Variants in MAP4 observed in about 807,000 individuals in gnomAD.
The protein encoded by MAP4 is microtubule-associated protein 4.
In MAP4, 76 loss-of-function variants were observed where a neutral mutation model predicts 170.2. That is an observed-to-expected ratio of 0.45 (90% CI 0.37 to 0.54). The LOEUF is 0.54. Among genes scored for constraint, MAP4 ranks in the 20% least tolerant of loss-of-function variants. MAP4 has a pLI of 0.00. For missense variants in MAP4, 2,506 were observed against 2,748.0 expected (o/e 0.91, Z 1.97); for synonymous variants, 909 against 994.5 (o/e 0.91, Z 1.62).
intron 3 of MAP4, chr3:47,974,027 G>T: frequency 1.0e-6 from 1 of 985,390 alleles, no homozygotes; most frequent in African/African-American, 1.7e-5. Flanking sequence ...GTAGAAGAGG[G>T]AATGCTTCCT....
chr3:47,896,048 G>A (rs2100026657), intron 10 of MAP4, among the ~76,000 whole-genome samples: 4 of 152,136 alleles, frequency 2.6e-5, no homozygotes, highest in Admixed American at 2.6e-4. Flanking sequence ...CCCATAGAAG[G>A]GGCGAGTACC....
At chr3:47,996,934 CAG>C (rs1242021859) in intron 2 of MAP4, among the ~76,000 whole-genome samples, 3 of 151,908 alleles carry the variant, frequency 2.0e-5, no homozygotes, top group Non-Finnish European at 2.9e-5. Flanking sequence ...GAGAGGCAAA[CAG>C]AAATGCTAGA....
chr3:47,997,739 C>T (rs941312761), intron 2 of MAP4, among the ~76,000 whole-genome samples: 1 of 148,716 alleles, frequency 6.7e-6, no homozygotes, highest in African/African-American at 2.6e-5. Context: ...AAGAAAGAAA[C>T]ATCACAAATT....
chr3:48,009,446 T>C (rs780261304), intron 1 of MAP4, among the ~76,000 whole-genome samples: 1 of 152,194 alleles, frequency 6.6e-6, no homozygotes, highest in South Asian at 2.1e-4. Flanking sequence ...CCACGCAGCA[T>C]TGCCTCTGAC....
At chr3:48,050,835 G>C (rs1208905224) in intron 1 of MAP4, among the ~76,000 whole-genome samples, 4 of 151,264 alleles carry the variant, frequency 2.6e-5, no homozygotes, top group Non-Finnish European at 5.9e-5. Context: ...AACCCAGGAG[G>C]CAGAGGTTGC....
chr3:47,892,459 G>C, intron 10 of MAP4: 1 of 1,534,294 alleles, frequency 6.5e-7, no homozygotes, highest in Non-Finnish European at 8.7e-7. Context: ...ACGCGGCAGT[G>C]AGAGAGGCTG....
At chr3:47,949,982 T>C (rs1364073346) in intron 3 of MAP4, among the ~76,000 whole-genome samples, 1 of 152,184 alleles carries the variant, frequency 6.6e-6, no homozygotes, top group Non-Finnish European at 1.5e-5. Context: ...GACAGTTTTG[T>C]TGGCACTCCA....
At chr3:48,060,767 A>G (rs1559880296) in intron 1 of MAP4, among the ~76,000 whole-genome samples, 1 of 152,122 alleles carries the variant, frequency 6.6e-6, no homozygotes, top group African/African-American at 2.4e-5. Context: ...AAAAATAATA[A>G]TAATACAAAA....
chr3:47,857,281 G>C (rs2058135149), intron 18 of MAP4, 150 bp downstream of exon 18: 2 of 656,376 alleles, frequency 3.0e-6, no homozygotes, highest in Non-Finnish European at 2.7e-6. Context: ...CCTGCTCCCT[G>C]ACAGAATGAG....
At chr3:48,034,068 A>G (rs1287904163) in intron 1 of MAP4, among the ~76,000 whole-genome samples, 2 of 152,202 alleles carry the variant, frequency 1.3e-5, no homozygotes, top group Non-Finnish European at 2.9e-5. Context: ...ACCAGAGTGC[A>G]TACATATTGT....
At chr3:48,040,558 C>T (rs1048776547) in intron 1 of MAP4, among the ~76,000 whole-genome samples, 14 of 151,658 alleles carry the variant, frequency 9.2e-5, no homozygotes, top group Non-Finnish European at 1.0e-4. Flanking sequence ...CGTGAGCCAC[C>T]GCGCCCAGCC....
At chr3:47,901,582 G>A (rs1268046072) in intron 10 of MAP4, among the ~76,000 whole-genome samples, 1 of 151,782 alleles carries the variant, frequency 6.6e-6, no homozygotes, top group East Asian at 1.9e-4. Flanking sequence ...ACTGAGGTGG[G>A]AGTATCACCT....
Position 47,855,111 on chromosome 3 carries a change from G to A in MAP4, c.6696+137C>T, listed in dbSNP as rs1253979117. ...GACTGATGATACACGGTGGGAAAAC[G>A]GCAATGGTGTGGGTGAAGACATGAC... is the stretch of plus-strand genomic sequence containing the variant. On this transcript the variant is annotated intron_variant, in intron 19 of 20. Transcript: ENST00000683076. This position sits in a 1 kb window ranked among gnomAD's most constrained non-coding sequence, Gnocchi z 5.1. 6 of 642,326 alleles carry A rather than the reference G, an allele frequency of 9.3e-6. 1 individual carries two copies. The Middle Eastern group carries it at 7.6e-4, about 81-fold the overall frequency. The allele number at this position is 642,326 out of a possible 1,614,324, so 39.8% of individuals were successfully genotyped here.
At chr3:47,867,707 G>A (rs1011578093) in intron 16 of MAP4, among the ~76,000 whole-genome samples, 1 of 152,160 alleles carries the variant, frequency 6.6e-6, no homozygotes, top group Non-Finnish European at 1.5e-5. Flanking sequence ...CAAGAGCTGG[G>A]CACAGTGTCC....
rs35761893 is a variant in MAP4 at position 47,948,225 on chromosome 3, C to CTT, written c.293-19877_293-19876dup. Among the ~76,000 whole-genome samples the CTT allele has an allele frequency of 3.8e-3, 489 of 128,356 alleles. 5 individuals are homozygous for CTT. Among genetic ancestry groups the CTT allele is most frequent in the African/African-American group, 0.013 (448 of 34,924 alleles). 84.2% of individuals were successfully genotyped at this position (128,356 alleles called of 152,430 possible). On this transcript the variant is annotated intron_variant, in intron 3 of 20. Transcript: ENST00000683076. ...TGTTGGGAAGGCTGGTTGACCTATT[C>CTT]TTTTTTTTTTTTTTTTTTCTTGAGA... is the stretch of plus-strand genomic sequence containing the variant.
In MAP4 at chr3:47,870,985, G is replaced by C; in HGVS notation, c.6122C>G (p.Ser2041Cys). ...TATGAAAGGAGTTGTGGAGGGCCGG[G>C]AGGGCATGGGTGTGGCCTTGACTCG... ...PSRVKATPMPSRPSTTPFIDK... is the reference protein window; with the variant it reads ...PSRVKATPMPCRPSTTPFIDK... Residue 2041 changes from serine to cysteine, a missense_variant, in exon 15 of 21, where the codon TCC becomes TGC. By Grantham distance (112) the Ser-to-Cys change is moderately radical. Transcript: ENST00000683076. The C allele has an allele frequency of 6.2e-7, 1 of 1,614,154 alleles. No homozygotes were observed. The highest frequency in any genetic ancestry group is 8.5e-7 in the Non-Finnish European group (1 of 1,179,994).
intron 1 of MAP4, among the ~76,000 whole-genome samples, chr3:48,048,585 A>T (rs1321665758): frequency 1.5e-5 from 2 of 134,042 alleles, no homozygotes; most frequent in East Asian, 4.7e-4. Flanking sequence ...TGGCAGCGCC[A>T]AGGCTCACTG....
Position 47,997,326 on chromosome 3 carries a change from T to TAAAAAAA in MAP4, c.223+1305_223+1311dup. On this transcript the variant is annotated intron_variant, in intron 2 of 20. Transcript: ENST00000683076. ...TCTAAACACAACATATTTAAACTGCTAAAAAAAAAAAAAAAAAAAGATAAA... is the reference window on the plus strand; with the variant it reads ...TCTAAACACAACATATTTAAACTGCTAAAAAAAAAAAAAAAAAAAAAAAAAAGATAAA... 6.7e-3 allele frequency among the ~76,000 whole-genome samples: 301 copies of TAAAAAAA among 44,942 alleles called. 14 individuals are homozygous for TAAAAAAA. The highest frequency in any genetic ancestry group is 0.02 in the African/African-American group (214 of 10,536). The allele number at this position is 44,942 out of a possible 152,430, so 29.5% of individuals were successfully genotyped here. A position where few individuals can be genotyped will look rare whatever the true frequency, so the allele number is the denominator to read the frequency against.
chr3:48,002,143 C>T (rs183229395), intron 1 of MAP4, among the ~76,000 whole-genome samples: 70 of 150,242 alleles, frequency 4.7e-4, no homozygotes, highest in Admixed American at 3.3e-3. Context: ...CTATAGTGTG[C>T]AATGATCACG....
Sources: gnomAD v4.1 joint callset for allele counts (sites outside exome capture counted in the v4.1 genomes callset) on GRCh38, gnomAD v4.1.1 for gene constraint, Gnocchi (gnomAD v3.1) non-coding constraint, MANE v1.5 for transcripts, NCBI Gene and HGNC (gene_info 2026-07-23, HGNC 2026-07-21) for gene names.